Variants in HLA-F observed in about 807,000 individuals in gnomAD.
The protein encoded by HLA-F is HLA class I histocompatibility antigen, alpha chain F.
Under a neutral mutation model 49.5 loss-of-function variants are expected in HLA-F, and 46 were observed. The ratio of observed to expected loss-of-function variants is 0.93; its 90% confidence interval spans 0.73 to 1.19. The LOEUF (loss-of-function observed/expected upper bound fraction) is 1.19, where lower values mean the gene tolerates loss of function less well. HLA-F is among the 50% of genes most tolerant of loss of function. The pLI is 0.00. For synonymous variants in HLA-F, 203 were observed against 233.5 expected (o/e 0.87, Z 1.19); for missense variants, 496 against 579.6 (o/e 0.86, Z 1.48).
At chr6:29,736,088 G>A (rs1264361543) in intron 3 of HLA-F, 2 of 156,926 alleles carry the variant, frequency 1.3e-5, no homozygotes, top group Admixed American at 6.4e-5. Context: ...CTCTGCCCAT[G>A]TCAAGAGGTC....
At position 29,725,309 on chromosome 6, in the gene HLA-F, A is replaced by G; in HGVS notation, c.886+3A>G. 1 of 1,614,062 alleles carries G rather than the reference A, an allele frequency of 6.2e-7. No individual in the cohort carries two copies. Among genetic ancestry groups the G allele is most frequent in the Non-Finnish European group, 8.5e-7 (1 of 1,179,944 alleles). ...CCAGCCCCTCATCCTGAGATGGGGT[A>G]AGGAGGGAGATGGGTAAAGAGGGGA... On this transcript the variant is annotated splice_donor_region_variant and intron_variant, in intron 4 of 6. Coordinates refer to ENST00000259951, the MANE Select transcript of HLA-F (RefSeq NM_001098479.2).
chr6:29,726,267 T>TGG (rs3835204), intron 6 of HLA-F: 79 of 1,010,282 alleles, frequency 7.8e-5, no homozygotes, highest in African/African-American at 7.5e-4. Flanking sequence ...AGTGGGGTGT[T>TGG]GGGGGGGAAC....
At chr6:29,733,190 GAAACAAAAACGA>G (rs773468236) in intron 3 of HLA-F, among the ~76,000 whole-genome samples, 8 of 151,400 alleles carry the variant, frequency 5.3e-5, no homozygotes, top group Non-Finnish European at 7.4e-5. Context: ...TTGTGTTTCA[GAAACAAAAACGA>G]AAACAAAAAC....
downstream of HLA-F, chr6:29,728,036 T>A (rs1471807747): frequency 1.9e-6 from 1 of 518,920 alleles, no homozygotes; most frequent in Admixed American, 1.9e-5. Context: ...ACATTAGCTA[T>A]GTCTGGAAAA....
rs1307529299 is a variant in HLA-F at position 29,725,263 on chromosome 6, T to C, written c.843T>C (p.His281=). Residue 281 remains histidine, a synonymous_variant, in exon 4 of 7, where the codon CAT becomes CAC. Coordinates refer to ENST00000259951, the MANE Select transcript of HLA-F (RefSeq NM_001098479.2). ...GAGAGGAACAGAGATACACATGCCA[T>C]GTGCAGCACGAGGGGCTGCCCCAGC... is the stretch of plus-strand genomic sequence containing the variant. ...PPGEEQRYTC[H]VQHEGLPQPL... The C allele has an allele frequency of 1.2e-6, 2 of 1,614,078 alleles. No individual in the cohort carries two copies. The highest frequency in any genetic ancestry group is 1.7e-6 in the Non-Finnish European group (2 of 1,179,996).
downstream of HLA-F, chr6:29,728,002 C>T (rs1776267818): frequency 1.9e-6 from 1 of 518,920 alleles, no homozygotes; most frequent in Admixed American, 1.9e-5. Context: ...TATTCTCATC[C>T]AGGAGCAATT....
In HLA-F at chr6:29,724,384, G is replaced by A. The variant is rs547496463; in HGVS notation, c.546G>A (p.Glu182=). ...CAGAGGAGTTCAGGACCTACCTGGA[G>A]GGCGAGTGCCTGGAGTTGCTCCGCA... ...EYAEEFRTYL[E]GECLELLRRY... The change falls in exon 3 of 7, where the codon GAG becomes GAA. Residue 182 remains glutamate, a synonymous_variant. Coordinates refer to ENST00000259951, the MANE Select transcript of HLA-F (RefSeq NM_001098479.2). 1.2e-6 allele frequency: 2 copies of A among 1,613,256 alleles called. No individual in the cohort carries two copies. Among genetic ancestry groups the A allele is most frequent in the African/African-American group, 2.7e-5 (2 of 75,050 alleles).
chr6:29,735,329 A>T (rs1452545145), intron 3 of HLA-F: 3 of 132,500 alleles, frequency 2.3e-5, no homozygotes, highest in Non-Finnish European at 4.7e-5. Context: ...TACTATGTAT[A>T]GTCATATATA....
chr6:29,726,907 T>A lies in HLA-F; in HGVS notation c.1061T>A (p.Leu354Ter). The stretch of plus-strand genomic sequence containing the variant: ...GCCTACTCAGTGGTCAGCGGAAACT[T>A]GATGATAACATGGTGGTCAAGCTTA... ...AAAYSVVSGN[L>*]MITWWSSLFL... The change falls in exon 7 of 7, where the codon TTG becomes TAG. Residue 354 changes from leucine (L) to a stop codon, truncating the protein, a stop_gained. Coordinates refer to ENST00000259951, the MANE Select transcript of HLA-F (RefSeq NM_001098479.2). LOFTEE classifies it high-confidence loss of function. 6.2e-7 allele frequency: 1 copy of A among 1,605,730 alleles called. No homozygotes were observed. The highest frequency in any genetic ancestry group is 8.5e-7 in the Non-Finnish European group (1 of 1,179,804).
downstream of HLA-F, among the ~76,000 whole-genome samples, chr6:29,731,232 CATAGATAG>C (rs57735158): frequency 2.8e-4 from 23 of 81,590 alleles, no homozygotes; most frequent in Admixed American, 6.7e-4. Flanking sequence ...TAGATGGATA[CATAGATAG>C]ATAGATAGAT....
At chr6:29,732,377 AAAAG>A (rs1199704460) in intron 3 of HLA-F, among the ~76,000 whole-genome samples, 8 of 152,324 alleles carry the variant, frequency 5.3e-5, no homozygotes, top group African/African-American at 1.9e-4. Context: ...AGATGGATCT[AAAAG>A]AACTCAGTTA....
At chr6:29,735,888 G>A (rs1012017239) in intron 3 of HLA-F, 5 of 151,832 alleles carry the variant, frequency 3.3e-5, no homozygotes, top group African/African-American at 1.2e-4. Flanking sequence ...AATTTCAATT[G>A]TCTTATCTTC....
rs2127591311 is a variant in HLA-F, at chr6:29,727,240, CTAAGAA to C, written c.*72_*77del. 2.0e-6 allele frequency: 2 copies of C among 999,960 alleles called. No individual in the cohort carries two copies. The highest frequency in any genetic ancestry group is 2.4e-5 in the East Asian group (1 of 41,384). 61.9% of individuals were successfully genotyped at this position (999,960 alleles called of 1,614,324 possible). A position where few individuals can be genotyped will look rare whatever the true frequency, so the allele number is the denominator to read the frequency against. ...CACTAAATACTTCATCACACACCTC[CTAAGAA>C]TAAGAACCAACATTATCACACCAAA... On this transcript the variant is annotated 3_prime_UTR_variant, in exon 7 of 7. Coordinates refer to ENST00000259951, the MANE Select transcript of HLA-F (RefSeq NM_001098479.2).
At chr6:29,730,356 CAG>C (rs910828419), downstream of HLA-F, among the ~76,000 whole-genome samples, 2 of 152,084 alleles carry the variant, frequency 1.3e-5, no homozygotes, top group African/African-American at 2.4e-5. Flanking sequence ...TTCATAGAAA[CAG>C]AGAGTAAAAT....
chr6:29,725,572 G>A lies in HLA-F; in HGVS notation c.1003+9G>A. The A allele has an allele frequency of 6.2e-7, 1 of 1,610,488 alleles. No individual in the cohort carries two copies. On this transcript the variant is annotated intron_variant, in intron 5 of 6. Coordinates refer to ENST00000259951, the MANE Select transcript of HLA-F (RefSeq NM_001098479.2). ...GAGGAAGAAGAGCTCAGGTAGGAAGGGGTGAGGAGTGGAGTCTGAGTTTTC... is the reference window on the plus strand; with the variant it reads ...GAGGAAGAAGAGCTCAGGTAGGAAGAGGTGAGGAGTGGAGTCTGAGTTTTC...
chr6:29,726,615 C>A (rs1776118267), intron 6 of HLA-F: 2 of 1,512,642 alleles, frequency 1.3e-6, no homozygotes, highest in South Asian at 2.5e-5. Flanking sequence ...GATTAAGATT[C>A]TTTTAATGGT....
intron 3 of HLA-F, among the ~76,000 whole-genome samples, chr6:29,734,379 C>T (rs1033874011): frequency 6.6e-6 from 1 of 152,198 alleles, no homozygotes; most frequent in Non-Finnish European, 1.5e-5. Flanking sequence ...AATGAATCAT[C>T]CTAGTTGGAT....
Position 29,723,845 on chromosome 6 carries a change from C to T in HLA-F, c.252C>T (p.Thr84=). The change falls in exon 2 of 7, where the codon ACC becomes ACT. Residue 84 remains threonine, a synonymous_variant. Transcript: ENST00000259951. Reference sequence around the variant, plus strand: ...AGGGGCCGCAGTATTGGGAGTGGACCACAGGGTACGCCAAGGCCAACGCAC... The same window carrying T: ...AGGGGCCGCAGTATTGGGAGTGGACTACAGGGTACGCCAAGGCCAACGCAC... The part of the protein sequence containing the change: ...EQEGPQYWEW[T]TGYAKANAQT... 6.3e-7 allele frequency: 1 copy of T among 1,599,828 alleles called. No individual in the cohort carries two copies. Among genetic ancestry groups the T allele is most frequent in the South Asian group, 1.1e-5 (1 of 89,288 alleles).
At chr6:29,731,538 AGAG>A (rs1776614812), downstream of HLA-F, among the ~76,000 whole-genome samples, 1 of 151,774 alleles carries the variant, frequency 6.6e-6, no homozygotes, top group African/African-American at 2.4e-5. Context: ...AGAGAGAGAG[AGAG>A]AAAATTTGAC....
Sources: allele counts gnomAD v4.1 joint callset (sites outside exome capture counted in the v4.1 genomes callset), GRCh38; gene constraint gnomAD v4.1.1; transcripts MANE v1.5; gene names NCBI Gene and HGNC (gene_info 2026-07-23, HGNC 2026-07-21).